SLC25A26: variants seen among roughly 807,000 people sequenced by gnomAD.
SLC25A26 encodes the protein solute carrier family 25 member 26, also known as mitochondrial S-adenosylmethionine carrier protein.
Under a neutral mutation model 37.8 loss-of-function variants are expected in SLC25A26, and 36 were observed. That is an observed-to-expected ratio of 0.95 (90% CI 0.73 to 1.26). SLC25A26 has a LOEUF of 1.26. Among genes scored for constraint, SLC25A26 ranks in the 50% most tolerant of loss-of-function variants. SLC25A26 has a pLI of 0.00. For missense variants in SLC25A26, 390 were observed against 331.1 expected, an observed-to-expected ratio of 1.18 and a Z score of -1.38; for synonymous variants, 129 against 122.5, an observed-to-expected ratio of 1.05 and a Z score of -0.35.
At chr3:66,209,053 TATATATATATATACACACAC>T (rs2071229502) in intron 1 of SLC25A26, among the ~76,000 whole-genome samples, 1 of 24,344 alleles carries the variant, frequency 4.1e-5, no homozygotes, top group Non-Finnish European at 6.3e-5. Context: ...TATATATATA[TATATATATATATACACACAC>T]ACACCCATAT....
At chr3:66,309,363 C>G (rs2075312831) in intron 5 of SLC25A26, among the ~76,000 whole-genome samples, 1 of 152,104 alleles carries the variant, frequency 6.6e-6, no homozygotes, top group East Asian at 1.9e-4. Flanking sequence ...GTGATATCCA[C>G]TTTATCATTT....
chr3:66,275,945 C>G (rs1015350208), intron 5 of SLC25A26, among the ~76,000 whole-genome samples: 1 of 151,970 alleles, frequency 6.6e-6, no homozygotes, highest in Non-Finnish European at 1.5e-5. Flanking sequence ...TGTATACTGT[C>G]TTATTGTCTG....
chr3:66,143,367 C>A (rs898089300), intron 1 of SLC25A26, among the ~76,000 whole-genome samples: 2 of 152,150 alleles, frequency 1.3e-5, no homozygotes, highest in Non-Finnish European at 2.9e-5. Flanking sequence ...AGCAAAATTG[C>A]TGGGTCATGT....
At chr3:66,170,965 G>A (rs1477066110) in intron 1 of SLC25A26, among the ~76,000 whole-genome samples, 3 of 150,742 alleles carry the variant, frequency 2.0e-5, no homozygotes, top group East Asian at 2.0e-4. Flanking sequence ...CACTACGCCC[G>A]GCTAATTTTT....
At chr3:66,207,414 A>G (rs1377847710) in intron 1 of SLC25A26, among the ~76,000 whole-genome samples, 3 of 152,198 alleles carry the variant, frequency 2.0e-5, no homozygotes, top group Non-Finnish European at 4.4e-5. Flanking sequence ...TGATCATTGT[A>G]TTATATATTA....
chr3:66,318,762 A>G (rs2075611838), intron 5 of SLC25A26, among the ~76,000 whole-genome samples: 1 of 152,034 alleles, frequency 6.6e-6, no homozygotes, highest in South Asian at 2.1e-4. Context: ...CCTGGTCTCA[A>G]GTTACTCATG....
At chr3:66,336,798 A>C (rs765286060) in intron 5 of SLC25A26, among the ~76,000 whole-genome samples, 1 of 152,188 alleles carries the variant, frequency 6.6e-6, no homozygotes, top group Non-Finnish European at 1.5e-5. Context: ...CAGGAAGCCA[A>C]TGAAAATAAG....
At chr3:66,163,989 G>A (rs1276550091) in intron 1 of SLC25A26, among the ~76,000 whole-genome samples, 1 of 152,154 alleles carries the variant, frequency 6.6e-6, no homozygotes, top group African/African-American at 2.4e-5. Context: ...TTAATGTACA[G>A]GGAAGCCCCT....
chr3:66,139,436 A>G (rs1234924425), intron 1 of SLC25A26, among the ~76,000 whole-genome samples: 1 of 152,234 alleles, frequency 6.6e-6, no homozygotes, highest in African/African-American at 2.4e-5. Context: ...CTTTTCCATA[A>G]TTTATAGTGA....
intron 1 of SLC25A26, among the ~76,000 whole-genome samples, chr3:66,192,812 A>G (rs2070971375): frequency 6.6e-6 from 1 of 152,244 alleles, no homozygotes; most frequent in African/African-American, 2.4e-5. Context: ...TTAACAAAAT[A>G]TGTAAATGCC....
At chr3:66,237,769 C>T (rs1281090232) in intron 2 of SLC25A26, among the ~76,000 whole-genome samples, 1 of 152,090 alleles carries the variant, frequency 6.6e-6, no homozygotes, top group Admixed American at 6.5e-5. Flanking sequence ...AAAAAATCAC[C>T]ATATATAAGA....
rs181837984 is a variant in SLC25A26 at position 66,270,520 on chromosome 3, A to G, written c.453+7141A>G. On this transcript the variant is annotated intron_variant, in intron 5 of 9. Transcript: ENST00000354883. ...GAAGTTGTCCATTGTTTTATTATTC[A>G]GGCTTTCAGTAAATGTGTAATGAGA... 3.7e-3 allele frequency among the ~76,000 whole-genome samples: 568 copies of G among 152,326 alleles called. 4 individuals carry two copies. The highest frequency in any genetic ancestry group is 6.5e-3 in the Non-Finnish European group (444 of 68,018).
intron 5 of SLC25A26, among the ~76,000 whole-genome samples, chr3:66,302,923 A>AAGAT (rs2075116531): frequency 6.6e-6 from 1 of 152,134 alleles, no homozygotes; most frequent in African/African-American, 2.4e-5. Context: ...GGGATAAAGA[A>AAGAT]AGATAACTGA....
chr3:66,341,746 T>C (rs2076214410), intron 5 of SLC25A26, among the ~76,000 whole-genome samples: 1 of 152,228 alleles, frequency 6.6e-6, no homozygotes, highest in Non-Finnish European at 1.5e-5. Context: ...ACTTTCAATT[T>C]TCCTCCTTTT....
intron 1 of SLC25A26, among the ~76,000 whole-genome samples, chr3:66,208,461 C>A (rs922255970): frequency 1.3e-5 from 2 of 151,682 alleles, no homozygotes; most frequent in Middle Eastern, 3.4e-3. Flanking sequence ...TTCACATGCC[C>A]TCTTGCCAGA....
At chr3:66,373,203 T>A (rs1700448726) in intron 9 of SLC25A26, among the ~76,000 whole-genome samples, 1 of 152,214 alleles carries the variant, frequency 6.6e-6, no homozygotes, top group Non-Finnish European at 1.5e-5. Flanking sequence ...TAGCTGCCAC[T>A]GCCGCGAGCA....
chr3:66,183,676 G>T (rs2070760413), intron 1 of SLC25A26, among the ~76,000 whole-genome samples: 1 of 151,836 alleles, frequency 6.6e-6, no homozygotes. Flanking sequence ...CCCTGACCTT[G>T]ATCTAGATAC....
At chr3:66,275,349 A>G (rs1037486585) in intron 5 of SLC25A26, among the ~76,000 whole-genome samples, 22 of 151,948 alleles carry the variant, frequency 1.4e-4, no homozygotes, top group South Asian at 4.2e-4. Context: ...ATGTATACAT[A>G]TGTAACTAAC....
intron 9 of SLC25A26, among the ~76,000 whole-genome samples, chr3:66,376,792 A>G (rs985541678): frequency 6.6e-6 from 1 of 152,210 alleles, no homozygotes; most frequent in Non-Finnish European, 1.5e-5. Context: ...GTGGGCCAGG[A>G]ATGTGTCCTA....
Sources: gnomAD v4.1 joint callset for allele counts (sites outside exome capture counted in the v4.1 genomes callset) on GRCh38, gnomAD v4.1.1 for gene constraint, MANE v1.5 for transcripts, NCBI Gene and HGNC (gene_info 2026-07-23, HGNC 2026-07-21) for gene names.